JAKMIP3: variants seen among roughly 807,000 people sequenced by gnomAD.
JAKMIP3 encodes the protein Janus kinase and microtubule interacting protein 3.
A neutral mutation model predicts 118.5 loss-of-function variants in JAKMIP3; 58 were observed. The observed-to-expected ratio is 0.49, with a 90% CI of 0.40 to 0.61. The LOEUF (loss-of-function observed/expected upper bound fraction) is 0.61. JAKMIP3 is among the 20% of genes least tolerant of loss of function. The probability of loss-of-function intolerance (pLI) is 0.00; values close to 1 mark genes in which losing one functional copy is unlikely to be tolerated. For missense variants in JAKMIP3, 950 were observed against 1,109.0 expected (o/e 0.86, Z 2.04); for synonymous variants, 486 against 451.2 (o/e 1.08, Z -0.98).
At position 132,077,038 on chromosome 10, in the gene JAKMIP3, T is replaced by C. The variant is rs1589758145; in HGVS notation, c.-138+10977T>C. Among the ~76,000 whole-genome samples, 3 of 152,324 alleles carry C rather than the reference T, an allele frequency of 2.0e-5. No individual in the cohort carries two copies. In the East Asian group the frequency reaches 5.8e-4, roughly 29 times the overall value. On this transcript the variant is annotated intron_variant, in intron 1 of 23. Transcript: ENST00000684848. Reference sequence around the variant, plus strand: ...GGCTGGTCTGTGGTGGCCCCAGGTCTGTGGTGGCCACACTGTCTTCAGGCA... The same window carrying C: ...GGCTGGTCTGTGGTGGCCCCAGGTCCGTGGTGGCCACACTGTCTTCAGGCA...
intron 19 of JAKMIP3, among the ~76,000 whole-genome samples, chr10:132,161,385 TG>T (rs1290851879): frequency 5.9e-4 from 12 of 20,468 alleles, no homozygotes; most frequent in African/African-American, 2.7e-3. Flanking sequence ...TGTGTGATGC[TG>T]GGGGGGGTCT....
At chr10:132,137,538 GATC>G (rs1480242636) in intron 8 of JAKMIP3, among the ~76,000 whole-genome samples, 1 of 152,182 alleles carries the variant, frequency 6.6e-6, no homozygotes, top group Non-Finnish European at 1.5e-5. Flanking sequence ...AGCTTGGGAC[GATC>G]ATGTTTCTCA....
intron 19 of JAKMIP3, among the ~76,000 whole-genome samples, chr10:132,161,878 C>T (rs1389697997): frequency 1.7e-5 from 2 of 118,382 alleles, no homozygotes; most frequent in Admixed American, 1.6e-4. Context: ...GGGGCCTCTT[C>T]CTGTGTGATA....
intron 11 of JAKMIP3, 123 bp from the exon 12 acceptor site, chr10:132,144,984 G>A: frequency 1.4e-6 from 1 of 729,358 alleles, no homozygotes; most frequent in Non-Finnish European, 2.3e-6. Context: ...CAAAGGAAGG[G>A]CGAACAGTCA....
At position 132,139,184 on chromosome 10, in the gene JAKMIP3, GTA is replaced by G. The variant is rs769091696; in HGVS notation, c.1344+1008_1344+1009del. 3.3e-3 allele frequency among the ~76,000 whole-genome samples: 228 copies of G among 68,268 alleles called. 10 individuals are homozygous for G. Among genetic ancestry groups the G allele is most frequent in the African/African-American group, 0.024 (215 of 9,112 alleles). 44.8% of individuals were successfully genotyped at this position (68,268 alleles called of 152,430 possible). A position where few individuals can be genotyped will look rare whatever the true frequency, so the allele number is the denominator to read the frequency against. On this transcript the variant is annotated intron_variant, in intron 9 of 23. Coordinates refer to ENST00000684848, the MANE Select transcript of JAKMIP3 (RefSeq NM_001323087.2). ...TATGTACATGTGTGTATGTGTCTGTGTATGTGTGTGTATGAGTGTGTGTGTGT... is the reference window on the plus strand; with the variant it reads ...TATGTACATGTGTGTATGTGTCTGTGTGTGTGTGTATGAGTGTGTGTGTGT...
chr10:132,167,655 C>T (rs1282224326), intron 22 of JAKMIP3, among the ~76,000 whole-genome samples: 3 of 152,168 alleles, frequency 2.0e-5, no homozygotes, highest in Non-Finnish European at 2.9e-5. Context: ...CCTCGGTCCT[C>T]GAGTCTGCAC....
chr10:132,070,169 C>G (rs2039605086), intron 1 of JAKMIP3, among the ~76,000 whole-genome samples: 1 of 151,870 alleles, frequency 6.6e-6, no homozygotes, highest in African/African-American at 2.4e-5. Flanking sequence ...TTTTTTGAGA[C>G]AGAGTTTCAC....
At chr10:132,178,080 C>T (rs2060358260) in intron 23 of JAKMIP3, among the ~76,000 whole-genome samples, 1 of 152,256 alleles carries the variant, frequency 6.6e-6, no homozygotes, top group Non-Finnish European at 1.5e-5. Context: ...ACTGTCCCAC[C>T]TGCCACCTGC....
At chr10:132,048,429 G>C (rs911472871) in intron 1 of JAKMIP3, among the ~76,000 whole-genome samples, 1 of 152,128 alleles carries the variant, frequency 6.6e-6, no homozygotes. Context: ...CTCCCCATTT[G>C]TCTGTTTGTT....
intron 23 of JAKMIP3, among the ~76,000 whole-genome samples, chr10:132,169,389 C>T (rs535746126): frequency 6.6e-6 from 1 of 152,318 alleles, no homozygotes; most frequent in Admixed American, 6.5e-5. Context: ...CCGCTGCTCC[C>T]GTGCACTTGA....
In JAKMIP3 at chr10:132,143,053, C is replaced by CTCCT. The variant is rs1450077417; in HGVS notation, c.1602+1006_1602+1009dup. 2.0e-5 allele frequency among the ~76,000 whole-genome samples: 3 copies of CTCCT among 152,186 alleles called. No individual in the cohort carries two copies. In the East Asian group the frequency reaches 5.8e-4, roughly 29 times the overall value. On this transcript the variant is annotated intron_variant, in intron 11 of 23. Transcript: ENST00000684848. ...CGCCCTGGTGACGTGGCTGGTTTCC[C>CTCCT]TCCTGCCTTCCTGGCACCTCATTGG... is the stretch of plus-strand genomic sequence containing the variant.
intron 1 of JAKMIP3, among the ~76,000 whole-genome samples, chr10:132,076,639 T>C (rs2040831979): frequency 6.8e-6 from 1 of 148,094 alleles, no homozygotes; most frequent in Non-Finnish European, 1.5e-5. Context: ...GTCTGACTGA[T>C]TGAGGGCTGG....
intron 1 of JAKMIP3, among the ~76,000 whole-genome samples, chr10:132,095,857 G>C (rs1457987324): frequency 6.6e-6 from 1 of 152,228 alleles, no homozygotes; most frequent in Non-Finnish European, 1.5e-5. Flanking sequence ...TTGCCTTCAA[G>C]ATTGGGGCAG....
intron 11 of JAKMIP3, among the ~76,000 whole-genome samples, chr10:132,143,193 G>A (rs2053918453): frequency 6.6e-6 from 1 of 151,676 alleles, no homozygotes; most frequent in Admixed American, 6.5e-5. Context: ...CAGGCTCGGA[G>A]AGATTTGTCT....
At chr10:132,170,626 C>T (rs1026764492) in intron 23 of JAKMIP3, among the ~76,000 whole-genome samples, 3 of 152,150 alleles carry the variant, frequency 2.0e-5, no homozygotes, top group African/African-American at 4.8e-5. Flanking sequence ...GGAGGTGACT[C>T]GGAGCTTCTC....
intron 1 of JAKMIP3, among the ~76,000 whole-genome samples, chr10:132,083,982 T>G (rs1413080782): frequency 6.6e-6 from 1 of 152,232 alleles, no homozygotes; most frequent in African/African-American, 2.4e-5. Flanking sequence ...CTTCCAGATT[T>G]GTTCTTTTTG....
intron 21 of JAKMIP3, among the ~76,000 whole-genome samples, chr10:132,165,937 G>T (rs1175486993): frequency 1.3e-5 from 2 of 152,262 alleles, no homozygotes; most frequent in African/African-American, 4.8e-5. Context: ...TGTTCTGGGG[G>T]CTGGAGCCTC....
At chr10:132,075,987 GT>G (rs1215526076) in intron 1 of JAKMIP3, among the ~76,000 whole-genome samples, 2 of 151,872 alleles carry the variant, frequency 1.3e-5, no homozygotes, top group Non-Finnish European at 2.9e-5. Flanking sequence ...CTCGTTTTTT[GT>G]TTTTTTGGTA....
At chr10:132,067,937 T>C (rs2039140722) in intron 1 of JAKMIP3, among the ~76,000 whole-genome samples, 1 of 150,886 alleles carries the variant, frequency 6.6e-6, no homozygotes, top group Non-Finnish European at 1.5e-5. Context: ...GACTGTGGGC[T>C]TCCGTGTGGA....
Sources: gnomAD v4.1 joint callset for allele counts (sites outside exome capture counted in the v4.1 genomes callset) on GRCh38, gnomAD v4.1.1 for gene constraint, MANE v1.5 for transcripts, NCBI Gene and HGNC (gene_info 2026-07-23, HGNC 2026-07-21) for gene names.